The following NTN4 variants were observed in gnomAD, a reference collection of about 807,000 sequenced individuals.
The protein encoded by NTN4 is netrin-4.
NTN4 carries 32 observed loss-of-function variants against 73.6 expected under a neutral mutation model. The ratio of observed to expected loss-of-function variants is 0.44; its 90% CI spans 0.33 to 0.58. The LOEUF (loss-of-function observed/expected upper bound fraction) is 0.58. Ranked by LOEUF, NTN4 falls within the 20% of genes least tolerant of loss-of-function variation. NTN4 has a pLI of 0.04. For missense variants in NTN4, 654 were observed against 798.3 expected (o/e 0.82, Z 2.18); for synonymous variants, 258 against 287.5 (o/e 0.90, Z 1.04).
intron 3 of NTN4, among the ~76,000 whole-genome samples, chr12:95,731,223 G>T (rs957498107): frequency 6.6e-6 from 1 of 152,112 alleles, no homozygotes; most frequent in Non-Finnish European, 1.5e-5. Context: ...ACCTTCTAGG[G>T]TTATAGTAAA....
intron 3 of NTN4, among the ~76,000 whole-genome samples, chr12:95,727,014 C>T (rs1297158060): frequency 1.3e-5 from 2 of 152,014 alleles, no homozygotes; most frequent in African/African-American, 2.4e-5. Context: ...CTGTTTTCCA[C>T]AGCAGCAGTA....
intron 5 of NTN4, among the ~76,000 whole-genome samples, chr12:95,694,069 G>T (rs1434103260): frequency 1.4e-5 from 2 of 145,340 alleles, no homozygotes; most frequent in East Asian, 3.9e-4. Flanking sequence ...TCCACTGAGG[G>T]AGTGATCTGT....
chr12:95,751,515 A>ATG (rs2078907227), intron 2 of NTN4, among the ~76,000 whole-genome samples: 1 of 151,218 alleles, frequency 6.6e-6, no homozygotes, highest in African/African-American at 2.4e-5. Flanking sequence ...CCTAAGCCGC[A>ATG]TCCCATCTGT....
intron 2 of NTN4, among the ~76,000 whole-genome samples, chr12:95,741,537 T>C (rs1383831866): frequency 1.4e-5 from 2 of 142,840 alleles, no homozygotes; most frequent in Admixed American, 1.4e-4. Context: ...TTTATCTATG[T>C]ATGTCCCTTT....
intron 2 of NTN4, among the ~76,000 whole-genome samples, chr12:95,757,957 T>G (rs976728722): frequency 1.3e-5 from 2 of 152,286 alleles, no homozygotes; most frequent in East Asian, 3.9e-4. Context: ...AAAGAACTGA[T>G]TGAAGAATTT....
intron 5 of NTN4, among the ~76,000 whole-genome samples, chr12:95,705,709 A>G (rs2078517623): frequency 6.6e-6 from 1 of 152,114 alleles, no homozygotes; most frequent in South Asian, 2.1e-4. Context: ...CCGTAACACA[A>G]TACTTATTAT....
At chr12:95,752,722 T>G (rs2078919160) in intron 2 of NTN4, among the ~76,000 whole-genome samples, 1 of 152,178 alleles carries the variant, frequency 6.6e-6, no homozygotes, top group African/African-American at 2.4e-5. Context: ...CAGTCAGAAT[T>G]CTTACATAAG....
intron 2 of NTN4, among the ~76,000 whole-genome samples, chr12:95,743,885 C>T (rs1253934960): frequency 1.3e-5 from 2 of 152,070 alleles, no homozygotes; most frequent in Non-Finnish European, 2.9e-5. Flanking sequence ...TTGTTGGGTA[C>T]ATAAACATGG....
intron 2 of NTN4, among the ~76,000 whole-genome samples, chr12:95,785,547 G>A (rs2079161002): frequency 6.6e-6 from 1 of 152,158 alleles, no homozygotes; most frequent in African/African-American, 2.4e-5. Context: ...TATTCTTGCT[G>A]GTCTCTTCAA....
At chr12:95,662,997 A>G (rs1366258253) in intron 9 of NTN4, among the ~76,000 whole-genome samples, 5 of 152,032 alleles carry the variant, frequency 3.3e-5, no homozygotes, top group Admixed American at 1.3e-4. Flanking sequence ...TGGCATGTCT[A>G]TAGTCCTAGC....
chr12:95,691,166 G>A (rs990780733), intron 5 of NTN4, among the ~76,000 whole-genome samples: 2 of 152,182 alleles, frequency 1.3e-5, no homozygotes, highest in African/African-American at 4.8e-5. Context: ...GTCAATATCT[G>A]ACACATACAA....
intron 7 of NTN4, among the ~76,000 whole-genome samples, chr12:95,675,388 G>A (rs1362041438): frequency 1.3e-5 from 2 of 152,196 alleles, no homozygotes; most frequent in African/African-American, 4.8e-5. Context: ...GATCTAAAAT[G>A]TGGATTGATG....
At chr12:95,724,677 T>C (rs1274363480) in intron 3 of NTN4, among the ~76,000 whole-genome samples, 3 of 152,188 alleles carry the variant, frequency 2.0e-5, no homozygotes, top group Non-Finnish European at 4.4e-5. Flanking sequence ...TTTGCTGTAA[T>C]TCCTGTCTAT....
intron 3 of NTN4, among the ~76,000 whole-genome samples, chr12:95,727,299 G>A (rs939699211): frequency 1.3e-5 from 2 of 152,118 alleles, no homozygotes; most frequent in Admixed American, 6.6e-5. Context: ...TTGTTGAGTT[G>A]TAAGAGTTCT....
chr12:95,753,671 C>T lies in NTN4; in HGVS notation c.586-15527G>A, dbSNP rs950625336. Among the ~76,000 whole-genome samples, 713 of 151,354 alleles carry T rather than the reference C, an allele frequency of 4.7e-3. 5 individuals are homozygous for T. The highest frequency in any genetic ancestry group is 0.016 in the African/African-American group (663 of 41,374). ...TCCTCCGTCTTCAAGAAAAGTAGAACGGACTAAAGGTCTTTTAAAAACACA... is the reference window on the plus strand; with the variant it reads ...TCCTCCGTCTTCAAGAAAAGTAGAATGGACTAAAGGTCTTTTAAAAACACA... On this transcript the variant is annotated intron_variant, in intron 2 of 9. Coordinates refer to ENST00000343702, the MANE Select transcript of NTN4 (RefSeq NM_021229.4).
intron 7 of NTN4, among the ~76,000 whole-genome samples, chr12:95,676,595 C>A (rs1288634581): frequency 6.6e-6 from 1 of 151,884 alleles, no homozygotes; most frequent in Non-Finnish European, 1.5e-5. Flanking sequence ...AAATGTATAA[C>A]CTTAAGAGTA....
At chr12:95,680,955 C>T (rs1206364558) in intron 7 of NTN4, among the ~76,000 whole-genome samples, 17 of 151,944 alleles carry the variant, frequency 1.1e-4, no homozygotes, top group East Asian at 3.9e-4. Context: ...TATGGGAGGC[C>T]GAGGTGGGTG....
At chr12:95,742,353 G>C (rs1199366164) in intron 2 of NTN4, among the ~76,000 whole-genome samples, 1 of 150,080 alleles carries the variant, frequency 6.7e-6, no homozygotes, top group African/African-American at 2.5e-5. Context: ...AATTAGCCAG[G>C]CATGGTGGCG....
chr12:95,712,787 C>CTTTTTTTTTTTTTT (rs35614636), intron 4 of NTN4, among the ~76,000 whole-genome samples: 42 of 105,720 alleles, frequency 4.0e-4, no homozygotes, highest in Non-Finnish European at 5.3e-4. Flanking sequence ...TTCTTTCTTT[C>CTTTTTTTTTTTTTT]TTTTTTTTTT....
Sources: allele counts gnomAD v4.1 joint callset (sites outside exome capture counted in the v4.1 genomes callset), GRCh38; gene constraint gnomAD v4.1.1; transcripts MANE v1.5; gene names NCBI Gene and HGNC (gene_info 2026-07-23, HGNC 2026-07-21).